Variants in SPEN observed in about 807,000 individuals in gnomAD.
SPEN encodes the protein msx2-interacting protein.
In SPEN, 18 loss-of-function variants were observed where a neutral mutation model predicts 269.9. That is an observed-to-expected ratio of 0.07 (90% CI 0.05 to 0.10). The LOEUF is 0.10. Among genes scored for constraint, SPEN ranks in the 10% least tolerant of loss-of-function variants. The probability of loss-of-function intolerance (pLI) is 1.00; values close to 1 mark genes in which losing one functional copy is unlikely to be tolerated. For missense variants in SPEN, 3,822 were observed against 4,631.2 expected (o/e 0.83, Z 5.07); for synonymous variants, 1,726 against 1,765.7 (o/e 0.98, Z 0.56).
At chr1:15,922,199 C>T in intron 9 of SPEN, 50 bp from the exon 10 acceptor site, 1 of 1,342,792 alleles carries the variant, frequency 7.4e-7, no homozygotes, top group African/African-American at 1.5e-5. Context: ...AACATTTTTC[C>T]ATCATTAAAA....
In SPEN at chr1:15,848,938, G is replaced by C. The variant is rs912744971; in HGVS notation, c.83+788G>C. On this transcript the variant is annotated intron_variant, in intron 1 of 14. Coordinates refer to ENST00000375759, the MANE Select transcript of SPEN (RefSeq NM_015001.3). The surrounding 1 kb of genome is among the most constrained non-coding windows in gnomAD (Gnocchi z 5.1). ...TGGTGCCCCCCACCCCTGAATTCCC[G>C]AATCAAACGGTAAAACATTCCAAAC... 6.6e-6 allele frequency among the ~76,000 whole-genome samples: 1 copy of C among 151,724 alleles called. No homozygotes were observed. Among genetic ancestry groups the C allele is most frequent in the Non-Finnish European group, 1.5e-5 (1 of 67,962 alleles).
intron 10 of SPEN, among the ~76,000 whole-genome samples, chr1:15,926,384 T>TACAC (rs34826146): frequency 0.039 from 5,714 of 145,770 alleles, 117 homozygotes; most frequent in Middle Eastern, 0.071. Flanking sequence ...GATATATACA[T>TACAC]ACACACACAC....
At position 15,932,269 on chromosome 1, in the gene SPEN, G is replaced by A. The variant is rs530603850; in HGVS notation, c.6029G>A (p.Arg2010His). 1.2e-5 allele frequency: 19 copies of A among 1,609,676 alleles called. No individual in the cohort carries two copies. The highest frequency in any genetic ancestry group is 1.1e-4 in the South Asian group (10 of 90,440). ...GKNEPKVDAT[R>H]PEATTEVGPQ... ...AATGAACCGAAGGTGGATGCTACACGTCCTGAGGCCACCACTGAGGTGGGC... is the reference window on the plus strand; with the variant it reads ...AATGAACCGAAGGTGGATGCTACACATCCTGAGGCCACCACTGAGGTGGGC... The change falls in exon 11 of 15, where the codon CGT becomes CAT. Residue 2010 changes from arginine to histidine, a missense_variant. Around this residue, in one of 16 missense-constraint regions of SPEN, gnomAD observed 727 missense variants for 737.9 expected, o/e 0.99. Transcript: ENST00000375759. This position sits in a 1 kb window ranked among gnomAD's most constrained non-coding sequence, Gnocchi z 4.2.
rs1362538732 is a variant in SPEN, at chr1:15,932,864, C to T, written c.6624C>T (p.His2208=). 6.2e-7 allele frequency: 1 copy of T among 1,614,248 alleles called. No individual in the cohort carries two copies. Among genetic ancestry groups the T allele is most frequent in the Admixed American group, 1.7e-5 (1 of 60,022 alleles). The change falls in exon 11 of 15, where the codon CAC becomes CAT. Residue 2208 remains histidine (H), a synonymous_variant. Transcript: ENST00000375759. This position sits in a 1 kb window ranked among gnomAD's most constrained non-coding sequence, Gnocchi z 4.2. The part of the protein sequence containing the change: ...LAPEDRDKPA[H]QASETELAAA... ...CAGAGGACAGGGACAAGCCTGCACA[C>T]CAAGCAAGTGAAACAGAGCTGGCTG... is the stretch of plus-strand genomic sequence containing the variant.
At chr1:15,874,194 C>T (rs765670401) in intron 2 of SPEN, 61 of 1,366,382 alleles carry the variant, frequency 4.5e-5, no homozygotes, top group Non-Finnish European at 5.4e-5. Context: ...TTGTCTGGGA[C>T]TACTTGCTTC....
At chr1:15,889,720 T>C (rs552807599) in intron 3 of SPEN, among the ~76,000 whole-genome samples, 76 of 152,166 alleles carry the variant, frequency 5.0e-4, no homozygotes, top group African/African-American at 7.7e-4. Flanking sequence ...CTTTTTTTTT[T>C]CCCCATTATT....
At chr1:15,904,005 C>G (rs2070927327) in intron 3 of SPEN, among the ~76,000 whole-genome samples, 1 of 152,048 alleles carries the variant, frequency 6.6e-6, no homozygotes, top group Admixed American at 6.6e-5. Context: ...TTCTTTAGCT[C>G]TAACAAAATT....
chr1:15,892,900 A>T (rs1446681936), intron 3 of SPEN, among the ~76,000 whole-genome samples: 1 of 152,128 alleles, frequency 6.6e-6, no homozygotes, highest in Non-Finnish European at 1.5e-5. Context: ...GGAGTTCAAG[A>T]CCAGGCTGGT....
rs1453190230 is a variant in SPEN, at chr1:15,931,081, A to G, written c.4841A>G (p.Glu1614Gly). ...PKEVEKQEDT[E>G]NHPKTPESAP... ...GAGGTTGAGAAACAGGAAGATACAG[A>G]GAATCATCCCAAGACCCCAGAATCT... The change falls in exon 11 of 15, where the codon GAG becomes GGG. Residue 1614 changes from glutamate (E) to glycine (G), a missense_variant. Glu to Gly is a moderately conservative substitution (Grantham distance 98). Transcript: ENST00000375759. The surrounding 1 kb of genome is among the most constrained non-coding windows in gnomAD (Gnocchi z 4.8). 6.2e-7 allele frequency: 1 copy of G among 1,613,998 alleles called. No homozygotes were observed. Among genetic ancestry groups the G allele is most frequent in the Non-Finnish European group, 8.5e-7 (1 of 1,179,990 alleles).
chr1:15,932,736 G>T lies in SPEN; in HGVS notation c.6496G>T (p.Ala2166Ser). 6.2e-7 allele frequency: 1 copy of T among 1,614,224 alleles called. No individual in the cohort carries two copies. Among genetic ancestry groups the T allele is most frequent in the Admixed American group, 1.7e-5 (1 of 60,030 alleles). ...SGPSPEATQL[A>S]KQMELEQAVE... is the part of the protein sequence containing the mutation. ...GCCGTCCCCAGAAGCCACCCAGTTA[G>T]CCAAGCAGATGGAGCTGGAGCAGGC... is the stretch of plus-strand genomic sequence containing the variant. Residue 2166 changes from alanine (A) to serine (S), a missense_variant, in exon 11 of 15, where the codon GCC becomes TCC. Around this residue, in one of 16 missense-constraint regions of SPEN, gnomAD observed 727 missense variants for 737.9 expected, o/e 0.99. Transcript: ENST00000375759. The surrounding 1 kb of genome is among the most constrained non-coding windows in gnomAD (Gnocchi z 4.2).
chr1:15,929,650 G>A lies in SPEN; in HGVS notation c.3410G>A (p.Arg1137His), dbSNP rs2071202296. ...GTTAGGAAAAACTATTGCAGTCTTCGTGATGAAACACCTGAACGTAAATCA... is the reference window on the plus strand; with the variant it reads ...GTTAGGAAAAACTATTGCAGTCTTCATGATGAAACACCTGAACGTAAATCA... The part of the protein sequence containing the change: ...EDVRKNYCSL[R>H]DETPERKSGQ... The change falls in exon 11 of 15, where the codon CGT becomes CAT. Residue 1137 changes from arginine (R) to histidine (H), a missense_variant. By Grantham distance (29) the Arg-to-His change is conservative. This residue lies in a region of SPEN where 572 missense variants were observed against 582.6 expected (regional missense o/e 0.98). Coordinates refer to ENST00000375759, the MANE Select transcript of SPEN (RefSeq NM_015001.3). This position sits in a 1 kb window ranked among gnomAD's most constrained non-coding sequence, Gnocchi z 5.8. 12 of 1,614,040 alleles carry A rather than the reference G, an allele frequency of 7.4e-6. No individual in the cohort carries two copies. Among genetic ancestry groups the A allele is most frequent in the African/African-American group, 1.3e-5 (1 of 74,928 alleles).
chr1:15,899,644 C>T (rs1017776515), intron 3 of SPEN, among the ~76,000 whole-genome samples: 4 of 144,010 alleles, frequency 2.8e-5, no homozygotes, highest in Non-Finnish European at 4.5e-5. Context: ...GTAGTGTCAA[C>T]TACAAGTATG....
intron 1 of SPEN, among the ~76,000 whole-genome samples, chr1:15,866,556 T>C (rs953933200): frequency 1.5e-4 from 23 of 152,316 alleles, no homozygotes; most frequent in African/African-American, 5.5e-4. Flanking sequence ...GGTTTCACTA[T>C]GTTAGCCAGG....
rs765082812 is a variant in SPEN, at chr1:15,937,838, G to A, written c.10536G>A (p.Leu3512=). Residue 3512 remains leucine, a synonymous_variant, in exon 13 of 15, where the codon CTG becomes CTA. Transcript: ENST00000375759. The surrounding 1 kb of genome is among the most constrained non-coding windows in gnomAD (Gnocchi z 5.7). The stretch of plus-strand genomic sequence containing the variant: ...AGTACCCCATCGTGTGGCAGGGCCT[G>A]CTGGCCCTCAAGAATGACACAGCTG... ...LKKYPIVWQG[L]LALKNDTAAV... 7 of 1,613,910 alleles carry A rather than the reference G, an allele frequency of 4.3e-6. No homozygotes were observed. Among genetic ancestry groups the A allele is most frequent in the South Asian group, 1.1e-5 (1 of 91,080 alleles).
chr1:15,938,256 A>G (rs1463483864), intron 13 of SPEN, among the ~76,000 whole-genome samples: 1 of 152,184 alleles, frequency 6.6e-6, no homozygotes, highest in East Asian at 1.9e-4. Flanking sequence ...GGCACGCACC[A>G]CCATGGCACC....
intron 1 of SPEN, among the ~76,000 whole-genome samples, chr1:15,849,230 C>T (rs189182543): frequency 6.6e-6 from 1 of 152,232 alleles, no homozygotes; most frequent in Admixed American, 6.5e-5. Flanking sequence ...ATATTTAAGA[C>T]CCTGGAAGGT....
intron 3 of SPEN, among the ~76,000 whole-genome samples, chr1:15,907,175 T>C (rs980109540): frequency 6.6e-6 from 1 of 152,156 alleles, no homozygotes; most frequent in Non-Finnish European, 1.5e-5. Flanking sequence ...ATAGAACTTA[T>C]TTAGTTTTAA....
chr1:15,934,551 A>T lies in SPEN; in HGVS notation c.8311A>T (p.Thr2771Ser). Reference protein sequence around the residue: ...TMAGAVIAPSTKCKQRASANE... With the variant: ...TMAGAVIAPSSKCKQRASANE... Reference sequence around the variant, plus strand: ...GGCAGGGGCAGTGATTGCGCCGTCAACAAAGTGCAAACAGAGAGCGAGTGC... The same window carrying T: ...GGCAGGGGCAGTGATTGCGCCGTCATCAAAGTGCAAACAGAGAGCGAGTGC... The change falls in exon 11 of 15, where the codon ACA becomes TCA. Residue 2771 changes from threonine to serine, a missense_variant. Physicochemically the swap from Thr to Ser is moderately conservative, Grantham distance 58. Coordinates refer to ENST00000375759, the MANE Select transcript of SPEN (RefSeq NM_015001.3). This position sits in a 1 kb window ranked among gnomAD's most constrained non-coding sequence, Gnocchi z 9.2. The T allele has an allele frequency of 6.2e-7, 1 of 1,614,116 alleles. No individual in the cohort carries two copies.
Position 15,938,758 on chromosome 1 carries a change from G to A in SPEN, c.10745G>A (p.Gly3582Asp), listed in dbSNP as rs1235708726. The A allele has an allele frequency of 1.2e-6, 2 of 1,613,920 alleles. No homozygotes were observed. ...DYCLLLALPC[G>D]RDQEDVVSQT... ...TGTCTGCTGCTGGCTCTGCCCTGTGGCCGTGACCAAGAGGATGTTGTGAGC... is the reference window on the plus strand; with the variant it reads ...TGTCTGCTGCTGGCTCTGCCCTGTGACCGTGACCAAGAGGATGTTGTGAGC... Residue 3582 changes from glycine (G) to aspartate (D), a missense_variant, in exon 14 of 15, where the codon GGC (glycine) becomes GAC (aspartate). By Grantham distance (94) the Gly-to-Asp change is moderately conservative (BLOSUM62 -1). Transcript: ENST00000375759.
Sources: allele counts gnomAD v4.1 joint callset (sites outside exome capture counted in the v4.1 genomes callset), GRCh38; gene constraint gnomAD v4.1.1; regional missense constraint gnomAD v4.1.1; non-coding constraint Gnocchi (gnomAD v3.1); transcripts MANE v1.5; gene names NCBI Gene and HGNC (gene_info 2026-07-23, HGNC 2026-07-21).